RBFOX1: variants seen among roughly 807,000 people sequenced by gnomAD.
The protein encoded by RBFOX1 is RNA binding fox-1 homolog 1, also known as RNA binding protein fox-1 homolog 1.
In RBFOX1, 8 loss-of-function variants were observed where a neutral mutation model predicts 57.7. The ratio of observed to expected loss-of-function variants is 0.14; its 90% CI spans 0.08 to 0.25. The LOEUF (loss-of-function observed/expected upper bound fraction) is 0.25. RBFOX1 is among the 10% of genes least tolerant of loss of function. The pLI is 1.00. For synonymous variants in RBFOX1, 326 were observed against 222.4 expected (o/e 1.47, Z -4.15); for missense variants, 611 against 548.5 (o/e 1.11, Z -1.14).
intron 3 of RBFOX1, among the ~76,000 whole-genome samples, chr16:5,850,111 C>A (rs778526786): frequency 6.6e-6 from 1 of 152,082 alleles, no homozygotes; most frequent in Non-Finnish European, 1.5e-5. Context: ...TCTGGGTTCT[C>A]GGAGACTCAG....
intron 2 of RBFOX1, among the ~76,000 whole-genome samples, chr16:6,629,282 C>A (rs938219012): frequency 6.6e-6 from 1 of 152,124 alleles, no homozygotes; most frequent in Non-Finnish European, 1.5e-5. Context: ...TCAAAAAGAA[C>A]ACGAGCATAT....
intron 11 of RBFOX1, among the ~76,000 whole-genome samples, chr16:7,635,185 T>A (rs1192269581): frequency 6.6e-6 from 1 of 152,216 alleles, no homozygotes; most frequent in African/African-American, 2.4e-5. Flanking sequence ...TCCAAATTAA[T>A]ACATGAGTTT....
rs148441196 is a variant in RBFOX1 at position 6,962,754 on chromosome 16, C to T, written c.-15-89303C>T. 3.3e-3 allele frequency among the ~76,000 whole-genome samples: 498 copies of T among 152,214 alleles called. 1 individual carries two copies. Among genetic ancestry groups the T allele is most frequent in the African/African-American group, 0.012 (481 of 41,516 alleles). On this transcript the variant is annotated intron_variant, in intron 3 of 15. Coordinates refer to ENST00000550418, the MANE Select transcript of RBFOX1 (RefSeq NM_018723.4). Reference sequence around the variant, plus strand: ...TAGCATGTGTGTGTAGCCCCAGCTACCTTAGAAGGCTGAGGTGAAAAGATC... The same window carrying T: ...TAGCATGTGTGTGTAGCCCCAGCTATCTTAGAAGGCTGAGGTGAAAAGATC...
At chr16:5,464,061 A>G (rs762106718) in intron 1 of RBFOX1, among the ~76,000 whole-genome samples, 103 of 152,150 alleles carry the variant, frequency 6.8e-4, no homozygotes, top group Non-Finnish European at 1.1e-3. Context: ...GGGAATCAGG[A>G]GGTGCCAGGG....
intron 2 of RBFOX1, among the ~76,000 whole-genome samples, chr16:5,468,538 A>C (rs998638101): frequency 6.6e-6 from 1 of 152,192 alleles, no homozygotes; most frequent in Admixed American, 6.5e-5. Context: ...TGGCCCAGCA[A>C]TTTCACTCCT....
At chr16:7,179,118 T>G (rs1292222087) in intron 4 of RBFOX1, among the ~76,000 whole-genome samples, 1 of 152,156 alleles carries the variant, frequency 6.6e-6, no homozygotes, top group African/African-American at 2.4e-5. Flanking sequence ...GATCCCAGAT[T>G]ACTCGAGGCA....
chr16:5,634,776 G>A (rs540720758), intron 3 of RBFOX1, among the ~76,000 whole-genome samples: 5 of 152,206 alleles, frequency 3.3e-5, no homozygotes, highest in Non-Finnish European at 5.9e-5. Flanking sequence ...TCCTTCTGCA[G>A]ACAGATTCTG....
intron 4 of RBFOX1, among the ~76,000 whole-genome samples, chr16:7,298,317 C>G (rs1289969758): frequency 4.2e-5 from 5 of 120,118 alleles, no homozygotes; most frequent in Non-Finnish European, 6.5e-5. Flanking sequence ...GAGATATACT[C>G]ACTCTTTTGC....
chr16:6,450,777 A>ATACATATATATATGTG (rs1555480496), intron 2 of RBFOX1, among the ~76,000 whole-genome samples: 5 of 39,530 alleles, frequency 1.3e-4, no homozygotes, highest in African/African-American at 5.0e-4. Flanking sequence ...GTATATATAT[A>ATACATATATATATGTG]TATATATATA....
At chr16:6,338,510 G>A (rs2084077579) in intron 2 of RBFOX1, among the ~76,000 whole-genome samples, 1 of 152,172 alleles carries the variant, frequency 6.6e-6, no homozygotes, top group Non-Finnish European at 1.5e-5. Flanking sequence ...AACTAACACA[G>A]TTCAAGCAAA....
At chr16:6,136,605 A>T (rs745706289) in intron 1 of RBFOX1, among the ~76,000 whole-genome samples, 1 of 152,200 alleles carries the variant, frequency 6.6e-6, no homozygotes, top group East Asian at 1.9e-4. Context: ...AATGTAAATT[A>T]TACATTTGCA....
intron 4 of RBFOX1, among the ~76,000 whole-genome samples, chr16:7,081,165 G>C (rs1159453127): frequency 2.0e-5 from 3 of 152,174 alleles, no homozygotes; most frequent in African/African-American, 7.2e-5. Flanking sequence ...CTCCCAAGTA[G>C]CTGAGATTAC....
At chr16:5,873,085 G>A (rs1225624925) in intron 4 of RBFOX1, among the ~76,000 whole-genome samples, 2 of 152,292 alleles carry the variant, frequency 1.3e-5, no homozygotes, top group Non-Finnish European at 2.9e-5. Context: ...AGGAGGCAGA[G>A]GTTGCAGTGA....
chr16:6,713,445 G>A (rs952254259), intron 3 of RBFOX1, among the ~76,000 whole-genome samples: 1 of 152,034 alleles, frequency 6.6e-6, no homozygotes, highest in African/African-American at 2.4e-5. Flanking sequence ...GACATTTAGA[G>A]CTGAATAATG....
chr16:7,691,214 G>GA (rs35870298), intron 14 of RBFOX1, among the ~76,000 whole-genome samples: 56,800 of 151,796 alleles, frequency 0.37, 10,991 homozygotes, highest in Non-Finnish European at 0.44. Context: ...ACTCTGCCTT[G>GA]AAACAGATGT....
chr16:5,526,671 C>T (rs981604115), intron 2 of RBFOX1, among the ~76,000 whole-genome samples: 1 of 152,166 alleles, frequency 6.6e-6, no homozygotes, highest in African/African-American at 2.4e-5. Flanking sequence ...GCATCCCAGC[C>T]CAGGTCTGTT....
rs918589391 is a variant in RBFOX1 at position 7,352,251 on chromosome 16, T to C, written c.28-165896T>C. Among the ~76,000 whole-genome samples, 15 of 152,184 alleles carry C rather than the reference T, an allele frequency of 9.9e-5. No homozygotes were observed. In the South Asian group the frequency reaches 1.0e-3, roughly 10 times the overall value. Reference sequence around the variant, plus strand: ...TCCCAAGAGGTGAACTGGATACAGCTGTGCAGTGTAACCTAAATCTTTGCA... The same window carrying C: ...TCCCAAGAGGTGAACTGGATACAGCCGTGCAGTGTAACCTAAATCTTTGCA... On this transcript the variant is annotated intron_variant, in intron 4 of 15. Transcript: ENST00000550418.
At chr16:6,775,329 CAAAAAAAAA>C (rs371277644) in intron 3 of RBFOX1, among the ~76,000 whole-genome samples, 1 of 67,328 alleles carries the variant, frequency 1.5e-5, no homozygotes, top group Non-Finnish European at 3.0e-5. Flanking sequence ...GACTCTGTCT[CAAAAAAAAA>C]AAAAAAAAAA....
At chr16:5,611,773 TCCA>T in intron 3 of RBFOX1, among the ~76,000 whole-genome samples, 1 of 3,048 alleles carries the variant, frequency 3.3e-4, no homozygotes, top group African/African-American at 1.2e-3. Flanking sequence ...CAGTCTCCCA[TCCA>T]TCCATCCATC....
Sources: allele counts gnomAD v4.1 joint callset (sites outside exome capture counted in the v4.1 genomes callset), GRCh38; gene constraint gnomAD v4.1.1; transcripts MANE v1.5; gene names NCBI Gene and HGNC (gene_info 2026-07-23, HGNC 2026-07-21).